CEP57: variants seen among roughly 807,000 people sequenced by gnomAD.
CEP57 encodes centrosomal protein 57.
In CEP57, 40 loss-of-function variants were observed where a neutral mutation model predicts 68.0. That is an observed-to-expected ratio of 0.59 (90% CI 0.46 to 0.77). CEP57 has a LOEUF of 0.77. Among genes scored for constraint, CEP57 ranks in the 30% least tolerant of loss-of-function variants. The pLI is 0.00. For missense variants in CEP57, 606 were observed against 580.7 expected (o/e 1.04, Z -0.45); for synonymous variants, 219 against 198.7 (o/e 1.10, Z -0.86).
At chr11:95,795,839 C>T in intron 1 of CEP57, among the ~76,000 whole-genome samples, 1 of 151,562 alleles carries the variant, frequency 6.6e-6, no homozygotes, top group East Asian at 1.9e-4. Context: ...TTTATTTCCT[C>T]AACATGTGTA....
At chr11:95,828,326 C>T (rs1862844517) in intron 9 of CEP57, among the ~76,000 whole-genome samples, 1 of 152,182 alleles carries the variant, frequency 6.6e-6, no homozygotes, top group South Asian at 2.1e-4. Context: ...CTGAGAAATA[C>T]ATCATTAGGC....
chr11:95,817,690 T>C (rs1398153571), intron 4 of CEP57, 97 bp from the exon 5 acceptor site: 2 of 810,926 alleles, frequency 2.5e-6, no homozygotes, highest in African/African-American at 1.7e-5. Context: ...GAAGTAGTTA[T>C]GTGAAGGGCC....
intron 1 of CEP57, among the ~76,000 whole-genome samples, chr11:95,791,027 C>T (rs1218804812): frequency 6.6e-6 from 1 of 152,226 alleles, no homozygotes. Flanking sequence ...CAAGGGCCGG[C>T]TGGGATAACT....
rs745478132 is a variant in CEP57, at chr11:95,827,971, TGAG to T, written c.1075_1077del (p.Glu359del). 9.9e-6 allele frequency: 16 copies of T among 1,613,770 alleles called. No homozygotes were observed. The highest frequency in any genetic ancestry group is 1.7e-5 in the Admixed American group (1 of 59,982). Reference sequence around the variant, plus strand: ...CACCTCCCTCCTCCAACGGTATTAATGAGGAGTTGTCAGAAGTCTTACAGACTT... The same window carrying T: ...CACCTCCCTCCTCCAACGGTATTAATGAGTTGTCAGAAGTCTTACAGACTT... On this transcript the variant is annotated inframe_deletion, in exon 9 of 11. Coordinates refer to ENST00000325542, the MANE Select transcript of CEP57 (RefSeq NM_014679.5).
intron 8 of CEP57, 97 bp from the exon 9 acceptor site, chr11:95,827,689 A>G (rs598876): frequency 0.34 from 460,506 of 1,349,198 alleles, 84,546 homozygotes; most frequent in Non-Finnish European, 0.38. Context: ...ACTCTACTTT[A>G]GGGGGTGGAG....
At position 95,813,355 on chromosome 11, in the gene CEP57, G is replaced by C. The variant is rs1565322551; in HGVS notation, c.383-113G>C. On this transcript the variant is annotated intron_variant, in intron 3 of 10. Coordinates refer to ENST00000325542, the MANE Select transcript of CEP57 (RefSeq NM_014679.5). The stretch of plus-strand genomic sequence containing the variant: ...TTAGGTAATCTGAAAAGGCGTCCAG[G>C]TCTGTGGAAGGTGTTTTTATTGTAT... The C allele has an allele frequency of 4.6e-5, 60 of 1,314,694 alleles. 1 individual carries two copies. In the South Asian group the frequency reaches 7.4e-4, roughly 16 times the overall value. 81.4% of individuals were successfully genotyped at this position (1,314,694 alleles called of 1,614,324 possible). A position where few individuals can be genotyped will look rare whatever the true frequency, so the allele number is the denominator to read the frequency against.
intron 9 of CEP57, 69 bp from the exon 10 acceptor site, chr11:95,829,118 T>G: frequency 2.2e-5 from 33 of 1,503,014 alleles, no homozygotes; most frequent in Non-Finnish European, 2.8e-5. Flanking sequence ...TAACCCATAA[T>G]GAGGTATAAT....
rs2135351790 is a variant in CEP57, at chr11:95,821,877, A to T, written c.706A>T (p.Thr236Ser). 6.2e-7 allele frequency: 1 copy of T among 1,607,338 alleles called. No homozygotes were observed. Among genetic ancestry groups the T allele is most frequent in the Non-Finnish European group, 8.5e-7 (1 of 1,175,308 alleles). Residue 236 changes from threonine (T) to serine (S), a missense_variant, in exon 7 of 11, where the codon ACT becomes TCT. Coordinates refer to ENST00000325542, the MANE Select transcript of CEP57 (RefSeq NM_014679.5). ...RMQAKAAELQ[T>S]GLETNRLIFE... ...AGGCTCTCATTTTTCCTAGTTGCAG[A>T]CTGGTCTAGAAACAAATAGACTTAT...
intron 1 of CEP57, among the ~76,000 whole-genome samples, chr11:95,798,524 C>T (rs1022104915): frequency 1.3e-4 from 20 of 152,202 alleles, no homozygotes; most frequent in Admixed American, 1.2e-3. Context: ...TATCTTCCAC[C>T]TTAGCCCTCA....
chr11:95,801,597 C>T (rs777672405), intron 2 of CEP57, among the ~76,000 whole-genome samples: 4 of 151,436 alleles, frequency 2.6e-5, no homozygotes, highest in Non-Finnish European at 5.9e-5. Flanking sequence ...GATATTAATC[C>T]TTCAACTATA....
At chr11:95,815,455 A>C (rs1292052749) in intron 4 of CEP57, among the ~76,000 whole-genome samples, 1 of 152,100 alleles carries the variant, frequency 6.6e-6, no homozygotes, top group Non-Finnish European at 1.5e-5. Flanking sequence ...TGATGTTTTC[A>C]AAGTGTTAAT....
At chr11:95,801,628 C>A (rs531956688) in intron 2 of CEP57, among the ~76,000 whole-genome samples, 124 of 151,910 alleles carry the variant, frequency 8.2e-4, no homozygotes, top group African/African-American at 2.8e-3. Flanking sequence ...TAGTTCTGAT[C>A]TTTACACCCA....
intron 7 of CEP57, 175 bp from the exon 8 acceptor site, chr11:95,822,324 G>A (rs1862551899): frequency 4.9e-6 from 3 of 617,730 alleles, no homozygotes; most frequent in Admixed American, 5.4e-5. Flanking sequence ...GCCTTTCCTA[G>A]GCTAGGATAT....
chr11:95,817,344 C>T (rs868489031), intron 4 of CEP57, among the ~76,000 whole-genome samples: 15 of 151,736 alleles, frequency 9.9e-5, no homozygotes, highest in Non-Finnish European at 2.2e-4. Flanking sequence ...CTGGCCTGGG[C>T]GACAGAGCGA....
At position 95,800,949 on chromosome 11, in the gene CEP57, AGTTGT is replaced by A. The variant is rs563228705; in HGVS notation, c.202+1565_202+1569del. Among the ~76,000 whole-genome samples, 299 of 152,256 alleles carry A rather than the reference AGTTGT, an allele frequency of 2.0e-3. 1 individual carries two copies. Among genetic ancestry groups the A allele is most frequent in the Non-Finnish European group, 3.6e-3 (242 of 68,004 alleles). The stretch of plus-strand genomic sequence containing the variant: ...TGCTGTGGCATTTCCTTTTTTTGAA[AGTTGT>A]GTTTAATCACTAATATTGCAACAAT... On this transcript the variant is annotated intron_variant, in intron 2 of 10. Transcript: ENST00000325542.
intron 4 of CEP57, among the ~76,000 whole-genome samples, chr11:95,814,468 C>A (rs1410248906): frequency 6.7e-6 from 1 of 149,980 alleles, no homozygotes; most frequent in Admixed American, 6.7e-5. Flanking sequence ...TCAAGTGATT[C>A]TCCTGCCTCA....
intron 10 of CEP57, among the ~76,000 whole-genome samples, chr11:95,829,543 T>G (rs1189819728): frequency 6.6e-6 from 1 of 152,214 alleles, no homozygotes; most frequent in East Asian, 1.9e-4. Context: ...GAAACATCTT[T>G]CAAATACTGA....
At position 95,832,444 on chromosome 11, in the gene CEP57, TA is replaced by T. The variant is rs3833497; in HGVS notation, c.*1190del. ...GTAACAGGCTTTAATTTAGGATCCT[TA>T]AGATTTTGGGGTATTATTTGTGACT... On this transcript the variant is annotated 3_prime_UTR_variant, in exon 11 of 11. Coordinates refer to ENST00000325542, the MANE Select transcript of CEP57 (RefSeq NM_014679.5). 41,936 of 151,974 alleles carry T rather than the reference TA, an allele frequency of 0.28. 6,992 individuals carry two copies. The highest frequency in any genetic ancestry group is 0.38 in the Non-Finnish European group (25,726 of 67,890). The allele number at this position is 151,974 out of a possible 1,614,324, so 9.4% of individuals were successfully genotyped here.
At position 95,816,746 on chromosome 11, in the gene CEP57, G is replaced by A. The variant is rs535014659; in HGVS notation, c.505-1041G>A. ...ACTTTTTACCAATAATAGTCCTTGAGTTAGTATATTTGAAATTATCCTAGT... is the reference window on the plus strand; with the variant it reads ...ACTTTTTACCAATAATAGTCCTTGAATTAGTATATTTGAAATTATCCTAGT... On this transcript the variant is annotated intron_variant, in intron 4 of 10. Transcript: ENST00000325542. Among the ~76,000 whole-genome samples the A allele has an allele frequency of 3.9e-5, 6 of 152,280 alleles. No individual in the cohort carries two copies. In the East Asian group the frequency reaches 9.6e-4, roughly 24 times the overall value.
Sources: gnomAD v4.1 joint callset for allele counts (sites outside exome capture counted in the v4.1 genomes callset) on GRCh38, gnomAD v4.1.1 for gene constraint, MANE v1.5 for transcripts, NCBI Gene and HGNC (gene_info 2026-07-23, HGNC 2026-07-21) for gene names.